Variants in SLC25A17 observed in about 807,000 individuals in gnomAD.
SLC25A17 encodes the protein solute carrier family 25 member 17, also known as peroxisomal membrane protein PMP34.
Under a neutral mutation model 38.5 loss-of-function variants are expected in SLC25A17, and 26 were observed. That is an observed-to-expected ratio of 0.68 (90% CI 0.50 to 0.94). The LOEUF is 0.94. SLC25A17 is among the 40% of genes least tolerant of loss of function. The pLI is 0.00. For missense variants in SLC25A17, 333 were observed against 372.7 expected (o/e 0.89, Z 0.88); for synonymous variants, 139 against 136.2 (o/e 1.02, Z -0.14).
chr22:40,800,702 C>A (rs879621016), intron 1 of SLC25A17, among the ~76,000 whole-genome samples: 17 of 151,056 alleles, frequency 1.1e-4, no homozygotes, highest in Non-Finnish European at 2.1e-4. Flanking sequence ...TGGCTTCATA[C>A]AGTATTTTAA....
At chr22:40,787,397 C>T (rs1290941381) in intron 4 of SLC25A17, among the ~76,000 whole-genome samples, 4 of 152,126 alleles carry the variant, frequency 2.6e-5, no homozygotes, top group Non-Finnish European at 5.9e-5. Context: ...TCTTGGTAAG[C>T]GTAAAACTCA....
chr22:40,816,793 T>C (rs1029822240), intron 1 of SLC25A17, among the ~76,000 whole-genome samples: 9 of 152,092 alleles, frequency 5.9e-5, no homozygotes, highest in South Asian at 2.1e-4. Flanking sequence ...GTATTTTTAG[T>C]AGAGACGGGG....
chr22:40,776,743 T>A (rs574162201), intron 7 of SLC25A17, among the ~76,000 whole-genome samples: 31 of 151,976 alleles, frequency 2.0e-4, no homozygotes, highest in African/African-American at 7.0e-4. Flanking sequence ...CACAAAAAAA[T>A]TTTAAATTAG....
At chr22:40,775,503 CCGGACTG>C (rs1273542713) in intron 7 of SLC25A17, among the ~76,000 whole-genome samples, 1 of 135,750 alleles carries the variant, frequency 7.4e-6, no homozygotes, top group East Asian at 2.1e-4. Flanking sequence ...GTCGCCCAGG[CCGGACTG>C]CGGACTGCAG....
chr22:40,817,425 C>A (rs755107193), intron 1 of SLC25A17: 1 of 152,282 alleles, frequency 6.6e-6, no homozygotes, highest in Non-Finnish European at 1.5e-5. Flanking sequence ...TCCATACACA[C>A]TTCCCTAGTG....
chr22:40,819,123 G>C, intron 1 of SLC25A17, 72 bp downstream of exon 1: 3 of 1,519,068 alleles, frequency 2.0e-6, no homozygotes, highest in Non-Finnish European at 1.8e-6. Flanking sequence ...CCATCCCTCA[G>C]GCATATCCCG....
chr22:40,774,054 T>TG lies in SLC25A17; in HGVS notation c.694-36dup, dbSNP rs763206101. 1.2e-4 allele frequency: 159 copies of TG among 1,371,496 alleles called. 3 individuals carry two copies. The South Asian group carries it at 1.8e-3, about 16-fold the overall frequency. The allele number at this position is 1,371,496 out of a possible 1,614,324, so 85.0% of individuals were successfully genotyped here. ...GAGGGAAAAAAAACAAAAGTACTGTTGCTGTTTTTTAAAATCTTCATTTTT... is the reference window on the plus strand; with the variant it reads ...GAGGGAAAAAAAACAAAAGTACTGTTGGCTGTTTTTTAAAATCTTCATTTTT... On this transcript the variant is annotated intron_variant, in intron 7 of 8. Transcript: ENST00000435456.
intron 8 of SLC25A17, among the ~76,000 whole-genome samples, chr22:40,772,463 C>A (rs926625473): frequency 3.3e-5 from 5 of 152,034 alleles, no homozygotes; most frequent in African/African-American, 1.2e-4. Context: ...CACCAGGATG[C>A]CTAGCTAATT....
At chr22:40,788,896 G>C (rs1602602188) in intron 4 of SLC25A17, 1 of 263,926 alleles carries the variant, frequency 3.8e-6, no homozygotes, top group Admixed American at 3.9e-5. Flanking sequence ...TTGAATTGCT[G>C]AAATAAGTGA....
At chr22:40,771,722 T>C (rs2057184942) in intron 8 of SLC25A17, among the ~76,000 whole-genome samples, 1 of 152,038 alleles carries the variant, frequency 6.6e-6, no homozygotes, top group South Asian at 2.1e-4. Context: ...GGAAGAGTAG[T>C]GGCGGGGGGA....
At chr22:40,774,214 G>A (rs2057217543) in intron 7 of SLC25A17, among the ~76,000 whole-genome samples, 195 bp from the exon 8 acceptor site, 2 of 149,744 alleles carry the variant, frequency 1.3e-5, no homozygotes, top group Admixed American at 6.6e-5. Context: ...GTGAAAATAA[G>A]AAAAATTTTT....
At position 40,812,243 on chromosome 22, in the gene SLC25A17, C is replaced by T. The variant is rs749366439; in HGVS notation, c.54+6952G>A. 4.0e-5 allele frequency among the ~76,000 whole-genome samples: 6 copies of T among 151,806 alleles called. No individual in the cohort carries two copies. The South Asian group carries it at 1.0e-3, about 26-fold the overall frequency. ...GCATCATCATCTACATTTCAGGCTA[C>T]TTACTAAAAAAAAAAGATGGTTTAT... On this transcript the variant is annotated intron_variant, in intron 1 of 8. Coordinates refer to ENST00000435456, the MANE Select transcript of SLC25A17 (RefSeq NM_006358.4).
chr22:40,777,098 G>A lies in SLC25A17; in HGVS notation c.635C>T (p.Ala212Val). ...SLDVFIIGAVAKAIATTVTYP... is the reference protein window; with the variant it reads ...SLDVFIIGAVVKAIATTVTYP... ...GGTCACCGTGGTGGCAATCGCTTTG[G>A]CTACTGCACCAATGATGAACACATC... The change falls in exon 7 of 9, where the codon GCC (alanine) becomes GTC (valine). Residue 212 changes from alanine (A) to valine (V), a missense_variant. Transcript: ENST00000435456. 6.2e-7 allele frequency: 1 copy of A among 1,614,122 alleles called. No homozygotes were observed. Among genetic ancestry groups the A allele is most frequent in the Non-Finnish European group, 8.5e-7 (1 of 1,180,028 alleles).
At chr22:40,799,143 T>C in intron 1 of SLC25A17, 60 bp from the exon 2 acceptor site, 1 of 1,354,374 alleles carries the variant, frequency 7.4e-7, no homozygotes, top group African/African-American at 1.4e-5. Flanking sequence ...CACAACTTTT[T>C]TTTTTTGAGA....
At chr22:40,803,027 GAA>G (rs2057496515) in intron 1 of SLC25A17, among the ~76,000 whole-genome samples, 2 of 152,136 alleles carry the variant, frequency 1.3e-5, no homozygotes, top group African/African-American at 4.8e-5. Flanking sequence ...GATAATATCG[GAA>G]ATCTTCTCTT....
chr22:40,782,626 G>A (rs2057304994), intron 4 of SLC25A17, among the ~76,000 whole-genome samples: 1 of 152,190 alleles, frequency 6.6e-6, no homozygotes, highest in African/African-American at 2.4e-5. Flanking sequence ...AATGACCATG[G>A]ATATAAGAAA....
At position 40,814,026 on chromosome 22, in the gene SLC25A17, G is replaced by C. The variant is rs1025587873; in HGVS notation, c.54+5169C>G. ...GGAATCAATTAAGAATGCAAAAACAGTCAGTAGATGTATAGAGCACTCTTG... is the reference window on the plus strand; with the variant it reads ...GGAATCAATTAAGAATGCAAAAACACTCAGTAGATGTATAGAGCACTCTTG... On this transcript the variant is annotated intron_variant, in intron 1 of 8. Transcript: ENST00000435456. 2 of 152,206 alleles carry C rather than the reference G, an allele frequency of 1.3e-5. 1 individual carries two copies. The highest frequency in any genetic ancestry group is 2.9e-5 in the Non-Finnish European group (2 of 68,048). The allele number at this position is 152,206 out of a possible 1,614,324, so 9.4% of individuals were successfully genotyped here. A position where few individuals can be genotyped will look rare whatever the true frequency, so the allele number is the denominator to read the frequency against.
At chr22:40,797,892 A>G (rs535379280) in intron 2 of SLC25A17, 1 of 156,520 alleles carries the variant, frequency 6.4e-6, no homozygotes, top group East Asian at 1.9e-4. Flanking sequence ...CCACAAGGAC[A>G]TCTGATAAAG....
chr22:40,800,947 C>G (rs2057475287), intron 1 of SLC25A17, among the ~76,000 whole-genome samples: 1 of 150,644 alleles, frequency 6.6e-6, no homozygotes, highest in Non-Finnish European at 1.5e-5. Flanking sequence ...ACTAAAAATG[C>G]AAAAAAATTA....
Sources: gnomAD v4.1 joint callset for allele counts (sites outside exome capture counted in the v4.1 genomes callset) on GRCh38, gnomAD v4.1.1 for gene constraint, MANE v1.5 for transcripts, NCBI Gene and HGNC (gene_info 2026-07-23, HGNC 2026-07-21) for gene names.